TNRC6C: variants seen among roughly 807,000 people sequenced by gnomAD.
The protein encoded by TNRC6C is trinucleotide repeat containing adaptor 6C.
TNRC6C carries 20 observed loss-of-function variants against 153.7 expected under a neutral mutation model. The observed-to-expected ratio is 0.13, with a 90% CI of 0.09 to 0.19. The LOEUF (loss-of-function observed/expected upper bound fraction) is 0.19. TNRC6C is among the 10% of genes least tolerant of loss of function. The probability of loss-of-function intolerance (pLI) is 1.00; values close to 1 mark genes in which losing one functional copy is unlikely to be tolerated. For missense variants in TNRC6C, 1,987 were observed against 2,172.0 expected (o/e 0.91, Z 1.69); for synonymous variants, 811 against 841.4 (o/e 0.96, Z 0.63).
chr17:77,975,974 G>C (rs769197879), intron 1 of TNRC6C, among the ~76,000 whole-genome samples: 2 of 152,138 alleles, frequency 1.3e-5, no homozygotes, highest in African/African-American at 2.4e-5. Flanking sequence ...CTCTGGGCTA[G>C]ATTTCTAGGA....
rs1334881080 is a variant in TNRC6C at position 78,067,756 on chromosome 17, G to C, written c.2612-1G>C. 2.5e-6 allele frequency: 4 copies of C among 1,603,788 alleles called. No individual in the cohort carries two copies. The highest frequency in any genetic ancestry group is 3.4e-6 in the Non-Finnish European group (4 of 1,176,506). On this transcript the variant is annotated splice_acceptor_variant, in intron 4 of 19. Coordinates refer to ENST00000301624, the Ensembl canonical transcript of TNRC6C. LOFTEE classifies it high-confidence loss of function. The stretch of plus-strand genomic sequence containing the variant: ...TAAGTTCATGTTTGCTCTGTTTCTA[G>C]CTTCAAAATCTATGCAAGAAGGCTG...
At chr17:78,077,591 CT>C in intron 9 of TNRC6C, 1 of 526,540 alleles carries the variant, frequency 1.9e-6, no homozygotes, top group South Asian at 2.1e-5. Context: ...TTGGTGCTAA[CT>C]TGGGACTGGC....
chr17:78,068,766 C>T (rs1272689070), intron 5 of TNRC6C, among the ~76,000 whole-genome samples: 1 of 152,142 alleles, frequency 6.6e-6, no homozygotes, highest in East Asian at 1.9e-4. Context: ...CCTCACTGCA[C>T]TCCAGCCTGG....
chr17:78,075,690 G>A lies in TNRC6C; in HGVS notation c.3060+412G>A, dbSNP rs185290418. ...GGGGCTTGGGCACCCATCTCTGGCT[G>A]GCCCTTGTCAGTTGGCCACATGAGT... On this transcript the variant is annotated intron_variant, in intron 8 of 19. Coordinates refer to ENST00000301624, the Ensembl canonical transcript of TNRC6C. This position sits in a 1 kb window ranked among gnomAD's most constrained non-coding sequence, Gnocchi z 4.2. Among the ~76,000 whole-genome samples the A allele has an allele frequency of 6.3e-3, 958 of 152,296 alleles. 36 individuals carry two copies. Among genetic ancestry groups the A allele is most frequent in the Admixed American group, 0.058 (882 of 15,296 alleles).
Position 77,969,992 on chromosome 17 carries a change from A to G in TNRC6C, c.-38+10724A>G, listed in dbSNP as rs142681167. 4.1e-4 allele frequency among the ~76,000 whole-genome samples: 62 copies of G among 152,370 alleles called. 1 individual carries two copies. The highest frequency in any genetic ancestry group is 7.9e-4 in the Non-Finnish European group (54 of 68,042). On this transcript the variant is annotated intron_variant, in intron 1 of 22. Transcript: ENST00000636222. ...CTTTGATAACTCATGTAAGAGCAGC[A>G]TATGAATGGATGATAACTGTCTTTC...
exon 17 of TNRC6C, chr17:78,098,395 G>A (rs776990768): frequency 1.0e-4 from 164 of 1,613,634 alleles, no homozygotes; most frequent in African/African-American, 1.9e-4. Context: ...CCTCCCACAC[G>A]CAAGCCTCTC....
intron 1 of TNRC6C, among the ~76,000 whole-genome samples, chr17:78,026,617 A>G (rs897380349): frequency 6.6e-6 from 1 of 152,240 alleles, no homozygotes; most frequent in African/African-American, 2.4e-5. Context: ...CTGAACCTCA[A>G]AGCTAAGTCT....
chr17:78,080,977 T>G (rs1396811165), intron 10 of TNRC6C, among the ~76,000 whole-genome samples: 1 of 152,216 alleles, frequency 6.6e-6, no homozygotes, highest in Non-Finnish European at 1.5e-5. Flanking sequence ...CCATTTGGGC[T>G]GCTGTAACAA....
exon 17 of TNRC6C, chr17:78,098,507 C>T: frequency 6.2e-7 from 1 of 1,613,660 alleles, no homozygotes; most frequent in East Asian, 2.2e-5. Context: ...GGGTGCCAGC[C>T]CCCTCGGCTG....
intron 11 of TNRC6C, among the ~76,000 whole-genome samples, chr17:78,085,645 G>A (rs1230102121): frequency 6.6e-6 from 1 of 152,164 alleles, no homozygotes; most frequent in Non-Finnish European, 1.5e-5. Context: ...TAGATGACAA[G>A]TTTGTGTGAC....
chr17:77,983,084 T>C (rs2071104361), intron 1 of TNRC6C, among the ~76,000 whole-genome samples: 1 of 152,196 alleles, frequency 6.6e-6, no homozygotes, highest in Non-Finnish European at 1.5e-5. Context: ...GAGCAGGATA[T>C]TTGTTGAATA....
intron 2 of TNRC6C, among the ~76,000 whole-genome samples, chr17:78,038,678 C>CA (rs751760738): frequency 0.061 from 3,736 of 60,918 alleles, 133 homozygotes; most frequent in East Asian, 0.27. Context: ...GACTCCGTGT[C>CA]AAAAAAAAAA....
intron 16 of TNRC6C, 121 bp from the exon 19 acceptor site, chr17:78,097,624 C>A: frequency 1.6e-6 from 1 of 627,610 alleles, no homozygotes; most frequent in Admixed American, 3.4e-5. Flanking sequence ...CATGTTCAGG[C>A]TTCTATTAAA....
At chr17:78,081,358 T>C (rs753628328) in intron 10 of TNRC6C, among the ~76,000 whole-genome samples, 2 of 152,064 alleles carry the variant, frequency 1.3e-5, no homozygotes, top group African/African-American at 2.4e-5. Context: ...GGGCACTGCA[T>C]TGAGGGTAAT....
intron 1 of TNRC6C, among the ~76,000 whole-genome samples, chr17:77,968,064 C>T (rs944752968): frequency 1.3e-4 from 20 of 152,176 alleles, no homozygotes; most frequent in South Asian, 2.1e-4. Context: ...GACAGAGCCT[C>T]GCTCTGTTGC....
intron 2 of TNRC6C, among the ~76,000 whole-genome samples, chr17:78,033,581 A>C (rs1439584553): frequency 2.0e-5 from 3 of 152,132 alleles, no homozygotes; most frequent in East Asian, 3.9e-4. Flanking sequence ...AGGCAGGAGA[A>C]TCGCTTGAAC....
At chr17:78,054,591 A>G (rs2072608906) in intron 3 of TNRC6C, among the ~76,000 whole-genome samples, 1 of 151,686 alleles carries the variant, frequency 6.6e-6, no homozygotes, top group African/African-American at 2.4e-5. Flanking sequence ...ACTGTAGACT[A>G]CTATACACCA....
rs60964524 is a variant in TNRC6C at position 78,030,325 on chromosome 17, C to CGTGTGTGT, written c.-545-1180_-545-1173dup. On this transcript the variant is annotated intron_variant, in intron 1 of 19. Coordinates refer to ENST00000301624, the Ensembl canonical transcript of TNRC6C. ...CCACCACACCTGGCTTGTGTGTGTG[C>CGTGTGTGT]GTGTGTGTGTGTGTGTGTAGTAGAG... Among the ~76,000 whole-genome samples the CGTGTGTGT allele has an allele frequency of 9.5e-4, 143 of 149,870 alleles. 2 individuals carry two copies. The highest frequency in any genetic ancestry group is 3.2e-3 in the African/African-American group (131 of 40,796).
intron 1 of TNRC6C, among the ~76,000 whole-genome samples, chr17:78,028,495 A>G (rs918424126): frequency 6.6e-6 from 1 of 151,950 alleles, no homozygotes; most frequent in Non-Finnish European, 1.5e-5. Flanking sequence ...TAGGGAGAGT[A>G]GACAGTGGGT....
Sources: allele counts gnomAD v4.1 joint callset (sites outside exome capture counted in the v4.1 genomes callset), GRCh38; gene constraint gnomAD v4.1.1; non-coding constraint Gnocchi (gnomAD v3.1); transcripts MANE v1.5; gene names NCBI Gene and HGNC (gene_info 2026-07-23, HGNC 2026-07-21).